SERHL2: variants seen among roughly 807,000 people sequenced by gnomAD.
The protein encoded by SERHL2 is serine hydrolase-like protein 2.
In SERHL2, 29 loss-of-function variants were observed where a neutral mutation model predicts 25.5. The observed-to-expected ratio is 1.14, with a 90% confidence interval of 0.85 to 1.55. The LOEUF (loss-of-function observed/expected upper bound fraction) is 1.55, where lower values mean the gene tolerates loss of function less well. SERHL2 is among the 40% of genes most tolerant of loss of function. SERHL2 has a pLI of 0.00. For missense variants in SERHL2, 240 were observed against 252.3 expected, an observed-to-expected ratio of 0.95 and a Z score of 0.33; for synonymous variants, 95 against 103.5, an observed-to-expected ratio of 0.92 and a Z score of 0.50.
At chr22:42,562,479 T>C (rs1922809195) in intron 8 of SERHL2, among the ~76,000 whole-genome samples, 3 of 151,634 alleles carry the variant, frequency 2.0e-5, no homozygotes, top group African/African-American at 4.8e-5. Context: ...CAGGAGCCCG[T>C]TGGCTTGTGT....
Position 42,567,401 on chromosome 22 carries a change from A to G in SERHL2, c.648+1063A>G, listed in dbSNP as rs956890045. ...ATTTTTCGGCCGGGCGCGGTGGCTC[A>G]CGCCTGTAGTCCCAGCACTTTGGGA... On this transcript the variant is annotated intron_variant, in intron 9 of 11. Transcript: ENST00000327678. 5.9e-5 allele frequency among the ~76,000 whole-genome samples: 9 copies of G among 151,404 alleles called. 1 individual carries two copies. The highest frequency in any genetic ancestry group is 4.6e-4 in the Admixed American group (7 of 15,218).
At chr22:42,573,878 A>C (rs540306097) in intron 11 of SERHL2, 58 bp from the exon 12 acceptor site, 12 of 1,557,934 alleles carry the variant, frequency 7.7e-6, no homozygotes, top group Non-Finnish European at 9.7e-6. Context: ...CCCGGGGCCC[A>C]TGGAGCTCCC....
intron 8 of SERHL2, among the ~76,000 whole-genome samples, chr22:42,560,710 GC>G (rs1423074980): frequency 6.6e-6 from 1 of 151,876 alleles, no homozygotes; most frequent in Non-Finnish European, 1.5e-5. Context: ...TGTGTACTTT[GC>G]TTTTTACCCA....
chr22:42,554,584 T>G (rs1922002631), intron 1 of SERHL2, among the ~76,000 whole-genome samples: 1 of 152,168 alleles, frequency 6.6e-6, no homozygotes, highest in Admixed American at 6.5e-5. Flanking sequence ...GGAAACAGGC[T>G]CAAGACGTTT....
chr22:42,564,756 C>G (rs527710648), intron 8 of SERHL2, among the ~76,000 whole-genome samples: 1 of 151,782 alleles, frequency 6.6e-6, no homozygotes, highest in Non-Finnish European at 1.5e-5. Flanking sequence ...CTGACGGGAC[C>G]GTCTCCCTTC....
intron 11 of SERHL2, chr22:42,573,472 T>G (rs372454392): frequency 1.0e-3 from 171 of 163,314 alleles, no homozygotes; most frequent in African/African-American, 3.9e-3. Flanking sequence ...CTTGATCTCC[T>G]GACCTCGTGA....
intron 9 of SERHL2, 81 bp downstream of exon 9, chr22:42,566,419 G>A (rs978024738): frequency 2.1e-5 from 30 of 1,419,080 alleles, no homozygotes; most frequent in Middle Eastern, 2.4e-4. Context: ...CAGGCCAGGC[G>A]TGGTGGCTCA....
At chr22:42,569,411 A>C (rs1414997803) in intron 9 of SERHL2, 1 of 151,756 alleles carries the variant, frequency 6.6e-6, no homozygotes, top group Admixed American at 6.6e-5. Flanking sequence ...GGCGCCTGAC[A>C]CCATGCCCAG....
At chr22:42,568,948 C>G (rs1356980466) in intron 9 of SERHL2, among the ~76,000 whole-genome samples, 1 of 151,502 alleles carries the variant, frequency 6.6e-6, no homozygotes, top group African/African-American at 2.4e-5. Flanking sequence ...GTGGTGGGAT[C>G]TCAGCTCACT....
intron 9 of SERHL2, chr22:42,569,382 C>G (rs543707502): frequency 6.6e-6 from 1 of 151,844 alleles, no homozygotes; most frequent in African/African-American, 2.4e-5. Context: ...CCTCAGCCTC[C>G]TGAGTAGCTG....
At chr22:42,565,880 G>T (rs77221604) in intron 8 of SERHL2, among the ~76,000 whole-genome samples, 1 of 151,750 alleles carries the variant, frequency 6.6e-6, no homozygotes, top group Non-Finnish European at 1.5e-5. Flanking sequence ...TTGAGACAGA[G>T]TCTTGCTCTG....
intron 7 of SERHL2, among the ~76,000 whole-genome samples, chr22:42,559,790 C>T (rs1922446046): frequency 1.3e-5 from 2 of 151,748 alleles, no homozygotes; most frequent in Non-Finnish European, 2.9e-5. Context: ...TTTTGCTGCC[C>T]TTGTCTCCAT....
intron 11 of SERHL2, 113 bp downstream of exon 11, chr22:42,572,642 A>G (rs1924393828): frequency 6.8e-7 from 1 of 1,464,150 alleles, no homozygotes; most frequent in South Asian, 1.4e-5. Context: ...CAGGCCCAAC[A>G]AGTGACCACC....
At position 42,554,050 on chromosome 22, in the gene SERHL2, G is replaced by T. The variant is rs772948272; in HGVS notation, c.22+8G>T. ...GTGAGAACGCCGCACCAGGTCTGAC[G>T]GGGAGGCCTTGTGCGAGCGTCCCAC... On this transcript the variant is annotated splice_region_variant and intron_variant, in intron 1 of 11. Coordinates refer to ENST00000327678, the MANE Select transcript of SERHL2 (RefSeq NM_014509.5). The T allele has an allele frequency of 1.2e-6, 2 of 1,613,338 alleles. No individual in the cohort carries two copies. Among genetic ancestry groups the T allele is most frequent in the South Asian group, 1.1e-5 (1 of 90,988 alleles).
At chr22:42,554,108 G>A in intron 1 of SERHL2, 66 bp downstream of exon 1, 7 of 1,579,318 alleles carry the variant, frequency 4.4e-6, no homozygotes, top group South Asian at 1.1e-5. Flanking sequence ...AGTAGAAGAG[G>A]GCGGGATGGA....
intron 9 of SERHL2, chr22:42,569,713 T>G (rs1331766895): frequency 6.6e-6 from 1 of 151,674 alleles, no homozygotes; most frequent in African/African-American, 2.4e-5. Context: ...TTGGGAACAG[T>G]ATGGGAACCC....
At chr22:42,572,818 C>T in intron 11 of SERHL2, 1 of 530,214 alleles carries the variant, frequency 1.9e-6, no homozygotes, top group Non-Finnish European at 2.4e-6. Flanking sequence ...GCACCTGCCA[C>T]CATGCCCAGC....
chr22:42,572,231 T>C (rs1924328166), intron 10 of SERHL2, among the ~76,000 whole-genome samples: 1 of 152,064 alleles, frequency 6.6e-6, no homozygotes, highest in African/African-American at 2.4e-5. Context: ...CAGCATTCAC[T>C]TGTGCCTGGC....
At chr22:42,572,332 G>T (rs538027290) in intron 10 of SERHL2, 104 bp from the exon 11 acceptor site, 29 of 773,394 alleles carry the variant, frequency 3.7e-5, no homozygotes, top group Middle Eastern at 3.2e-4. Context: ...GGTAGCCCAG[G>T]CTTTGGTTTC....
Sources: allele counts gnomAD v4.1 joint callset (sites outside exome capture counted in the v4.1 genomes callset), GRCh38; gene constraint gnomAD v4.1.1; transcripts MANE v1.5; gene names NCBI Gene and HGNC (gene_info 2026-07-23, HGNC 2026-07-21).